Variants in APBA2 observed in about 807,000 individuals in gnomAD.
APBA2 encodes the protein amyloid-beta A4 precursor protein-binding family A member 2.
Under a neutral mutation model 75.0 loss-of-function variants are expected in APBA2, and 30 were observed. That is an observed-to-expected ratio of 0.40 (90% CI 0.30 to 0.54). APBA2 has a LOEUF of 0.54. APBA2 is among the 20% of genes least tolerant of loss of function. The pLI is 0.49. For synonymous variants in APBA2, 444 were observed against 409.6 expected, an observed-to-expected ratio of 1.08 and a Z score of -1.01; for missense variants, 801 against 1,016.1, an observed-to-expected ratio of 0.79 and a Z score of 2.88.
intron 2 of APBA2, chr15:28,970,496 A>G (rs2037006469): frequency 6.7e-6 from 1 of 149,342 alleles, no homozygotes; most frequent in Non-Finnish European, 1.5e-5. Flanking sequence ...GGGGCCACAT[A>G]GTGAGACCCT....
chr15:29,020,412 A>G (rs2039892385), intron 3 of APBA2, among the ~76,000 whole-genome samples: 3 of 151,898 alleles, frequency 2.0e-5, no homozygotes, highest in Admixed American at 6.6e-5. Flanking sequence ...GTATTATGAA[A>G]CTTATTTCTT....
intron 4 of APBA2, among the ~76,000 whole-genome samples, chr15:29,059,305 T>C (rs2042033832): frequency 1.3e-5 from 2 of 152,204 alleles, no homozygotes; most frequent in East Asian, 3.9e-4. Context: ...GGCTGCCATG[T>C]GCCTTACATG....
rs10604525 is a variant in APBA2 at position 29,023,441 on chromosome 15, C to CTTTTTTTTTTT, written c.-41+27657_-41+27667dup. On this transcript the variant is annotated intron_variant, in intron 3 of 14. Transcript: ENST00000683413. ...ATTTGATGGCCATTATACCTTTTTC[C>CTTTTTTTTTTT]TTTTTTTTTTTTTTTTTTTTTTTTT... is the stretch of plus-strand genomic sequence containing the variant. 1.4e-4 allele frequency among the ~76,000 whole-genome samples: 10 copies of CTTTTTTTTTTT among 73,302 alleles called. 1 individual carries two copies. Among genetic ancestry groups the CTTTTTTTTTTT allele is most frequent in the Non-Finnish European group, 2.2e-4 (9 of 41,370 alleles). 48.1% of individuals were successfully genotyped at this position (73,302 alleles called of 152,430 possible). A position where few individuals can be genotyped will look rare whatever the true frequency, so the allele number is the denominator to read the frequency against.
At position 28,987,755 on chromosome 15, in the gene APBA2, CT is replaced by C. The variant is rs1161611215; in HGVS notation, c.-94-7982del. 9.1e-3 allele frequency among the ~76,000 whole-genome samples: 846 copies of C among 92,798 alleles called. 4 individuals carry two copies. The highest frequency in any genetic ancestry group is 0.011 in the South Asian group (25 of 2,242). The allele number at this position is 92,798 out of a possible 152,430, so 60.9% of individuals were successfully genotyped here. ...ATATATATATATATATATATATATTCTTTTTTTTTTTTTTTTGAGATGGAGT... is the reference window on the plus strand; with the variant it reads ...ATATATATATATATATATATATATTCTTTTTTTTTTTTTTTGAGATGGAGT... On this transcript the variant is annotated intron_variant, in intron 2 of 14. Coordinates refer to ENST00000683413, the MANE Select transcript of APBA2 (RefSeq NM_001353788.2).
chr15:28,935,998 T>C (rs2034844846), intron 2 of APBA2, among the ~76,000 whole-genome samples: 1 of 152,192 alleles, frequency 6.6e-6, no homozygotes, highest in African/African-American at 2.4e-5. Flanking sequence ...TTGATTTTGT[T>C]TTGTTACATG....
intron 2 of APBA2, among the ~76,000 whole-genome samples, chr15:28,962,524 G>C (rs1378822375): frequency 6.6e-6 from 1 of 151,884 alleles, no homozygotes; most frequent in Non-Finnish European, 1.5e-5. Context: ...AGCAGAGATC[G>C]CGCCACTGCA....
intron 10 of APBA2, chr15:29,102,003 A>T (rs2044152136): frequency 1.6e-6 from 1 of 610,250 alleles, no homozygotes; most frequent in African/African-American, 1.8e-5. Context: ...GGAGCTGTTT[A>T]TAAATTGAGT....
At chr15:28,986,471 G>A (rs1459622563) in intron 2 of APBA2, among the ~76,000 whole-genome samples, 1 of 152,064 alleles carries the variant, frequency 6.6e-6, no homozygotes, top group Non-Finnish European at 1.5e-5. Context: ...ACTACTGTTG[G>A]CCACTCTGCT....
chr15:29,072,568 G>A (rs1309599079), intron 4 of APBA2, among the ~76,000 whole-genome samples: 2 of 152,066 alleles, frequency 1.3e-5, no homozygotes, highest in African/African-American at 4.8e-5. Flanking sequence ...TCTCAGCCCT[G>A]CAGAAAGGGG....
intron 3 of APBA2, among the ~76,000 whole-genome samples, chr15:29,028,469 G>C (rs1299449884): frequency 6.6e-6 from 1 of 152,126 alleles, no homozygotes; most frequent in Non-Finnish European, 1.5e-5. Context: ...GTGAACATAG[G>C]GGTGCATGTA....
chr15:28,938,607 A>G (rs2035013598), intron 2 of APBA2, among the ~76,000 whole-genome samples: 1 of 152,096 alleles, frequency 6.6e-6, no homozygotes, highest in Non-Finnish European at 1.5e-5. Context: ...CTCCCTGTTC[A>G]AGCGATTTTC....
At chr15:28,909,087 C>T (rs766351685) in intron 1 of APBA2, among the ~76,000 whole-genome samples, 1 of 151,316 alleles carries the variant, frequency 6.6e-6, no homozygotes, top group Non-Finnish European at 1.5e-5. Context: ...GCTAGGTTCA[C>T]GCCATTCTCC....
intron 3 of APBA2, among the ~76,000 whole-genome samples, chr15:29,030,816 T>C (rs555770857): frequency 7.2e-5 from 11 of 152,090 alleles, no homozygotes; most frequent in Admixed American, 3.9e-4. Flanking sequence ...ATAAATCTTA[T>C]TGTTATTTAA....
intron 3 of APBA2, among the ~76,000 whole-genome samples, chr15:29,045,077 C>CTCTCTCTCTCTCTT (rs140649198): frequency 3.0e-4 from 34 of 113,736 alleles, no homozygotes; most frequent in African/African-American, 1.3e-3. Context: ...CCTTCTCTCT[C>CTCTCTCTCTCTCTT]TCTCTCTCTC....
chr15:29,055,605 T>G (rs1213411187), intron 4 of APBA2, among the ~76,000 whole-genome samples: 4 of 152,302 alleles, frequency 2.6e-5, no homozygotes, highest in African/African-American at 9.6e-5. Context: ...TGTGGACTTC[T>G]GTCATATTTT....
At chr15:28,936,798 G>T (rs935977874) in intron 2 of APBA2, among the ~76,000 whole-genome samples, 4 of 152,178 alleles carry the variant, frequency 2.6e-5, no homozygotes, top group Admixed American at 6.5e-5. Context: ...GGAGGCTCTG[G>T]TGAAACTGAG....
At chr15:28,903,449 C>T (rs2032973948) in intron 1 of APBA2, among the ~76,000 whole-genome samples, 1 of 152,194 alleles carries the variant, frequency 6.6e-6, no homozygotes, top group African/African-American at 2.4e-5. Context: ...AAAGGGTGGC[C>T]TGCTGGGGAC....
At chr15:29,070,160 G>GGT (rs2042556420) in intron 4 of APBA2, among the ~76,000 whole-genome samples, 1 of 152,168 alleles carries the variant, frequency 6.6e-6, no homozygotes, top group African/African-American at 2.4e-5. Context: ...AACTTATAGT[G>GGT]GTGAGGGTTG....
intron 13 of APBA2, 93 bp downstream of exon 13, chr15:29,108,482 C>T: frequency 6.3e-7 from 1 of 1,596,942 alleles, no homozygotes; most frequent in African/African-American, 1.3e-5. Context: ...CTATGTCTGG[C>T]AGCCTGGTAG....
Sources: gnomAD v4.1 joint callset for allele counts (sites outside exome capture counted in the v4.1 genomes callset) on GRCh38, gnomAD v4.1.1 for gene constraint, MANE v1.5 for transcripts, NCBI Gene and HGNC (gene_info 2026-07-23, HGNC 2026-07-21) for gene names.